The following PARD3 variants were observed in gnomAD, a reference collection of about 807,000 sequenced individuals.
PARD3 encodes par-3 family cell polarity regulator.
Under a neutral mutation model 155.4 loss-of-function variants are expected in PARD3, and 75 were observed. The observed-to-expected ratio is 0.48, with a 90% CI of 0.40 to 0.58. The LOEUF (loss-of-function observed/expected upper bound fraction) is 0.58. Among genes scored for constraint, PARD3 ranks in the 20% least tolerant of loss-of-function variants. PARD3 has a pLI of 0.00. For missense variants in PARD3, 1,642 were observed against 1,721.7 expected (o/e 0.95, Z 0.82); for synonymous variants, 576 against 610.5 (o/e 0.94, Z 0.83).
At chr10:34,628,816 G>A (rs554299430) in intron 2 of PARD3, among the ~76,000 whole-genome samples, 6 of 152,302 alleles carry the variant, frequency 3.9e-5, no homozygotes, top group African/African-American at 1.4e-4. Flanking sequence ...AATGAAAAAA[G>A]AAAGTGGAGA....
At chr10:34,345,069 A>G in intron 15 of PARD3, 1 of 983,362 alleles carries the variant, frequency 1.0e-6, no homozygotes, top group Non-Finnish European at 1.2e-6. Context: ...GATGTAGATA[A>G]TTATAAATTG....
intron 1 of PARD3, among the ~76,000 whole-genome samples, chr10:34,810,170 C>T (rs551859158): frequency 6.6e-6 from 1 of 152,276 alleles, no homozygotes; most frequent in South Asian, 2.1e-4. Flanking sequence ...TTACTGAGCA[C>T]CCACATGACG....
chr10:34,136,548 G>A (rs192683741), intron 22 of PARD3, among the ~76,000 whole-genome samples: 4 of 152,072 alleles, frequency 2.6e-5, no homozygotes, highest in Non-Finnish European at 5.9e-5. Context: ...CCCATAGCAG[G>A]GGGGAGAAAA....
At chr10:34,212,212 C>G (rs1335048459) in intron 22 of PARD3, among the ~76,000 whole-genome samples, 1 of 152,116 alleles carries the variant, frequency 6.6e-6, no homozygotes, top group Admixed American at 6.5e-5. Context: ...ACTCCTCCCC[C>G]ATCCCCGTGA....
chr10:34,259,047 G>A (rs577489369), intron 22 of PARD3, among the ~76,000 whole-genome samples: 1 of 152,084 alleles, frequency 6.6e-6, no homozygotes, highest in South Asian at 2.1e-4. Context: ...CAGCTTGGGT[G>A]ACAGAGCAAG....
chr10:34,119,076 A>G (rs1346716284), intron 24 of PARD3, among the ~76,000 whole-genome samples: 1 of 152,100 alleles, frequency 6.6e-6, no homozygotes, highest in Non-Finnish European at 1.5e-5. Context: ...GTTCCCAGCT[A>G]ACAAGCTCAA....
chr10:34,714,775 A>T lies in PARD3; in HGVS notation c.121-18356T>A, dbSNP rs796841719. Among the ~76,000 whole-genome samples the T allele has an allele frequency of 1.1e-3, 156 of 144,404 alleles. 1 individual carries two copies. Among genetic ancestry groups the T allele is most frequent in the Admixed American group, 1.5e-3 (21 of 14,448 alleles). The allele number at this position is 144,404 out of a possible 152,430, so 94.7% of individuals were successfully genotyped here. On this transcript the variant is annotated intron_variant, in intron 1 of 24. Coordinates refer to ENST00000374788, the MANE Select transcript of PARD3 (RefSeq NM_001184785.2). ...TTGTAAGCAAAGAACACACATCAAA[A>T]TTTTTTTTTTTTTTTTGGAGATGGA...
chr10:34,227,856 T>TATATATGTATATATATATATATATATA, intron 22 of PARD3, among the ~76,000 whole-genome samples: 1 of 82,242 alleles, frequency 1.2e-5, no homozygotes, highest in African/African-American at 5.9e-5. Flanking sequence ...GAATTATTTT[T>TATATATGTATATATATATATATATATA]TATATATATA....
intron 21 of PARD3, among the ~76,000 whole-genome samples, chr10:34,281,100 G>A (rs1445130283): frequency 6.6e-6 from 1 of 151,116 alleles, no homozygotes; most frequent in Non-Finnish European, 1.5e-5. Context: ...AATCTATCAC[G>A]GGGCTTTGTA....
intron 12 of PARD3, among the ~76,000 whole-genome samples, chr10:34,363,256 A>C (rs1267018922): frequency 6.6e-6 from 1 of 152,236 alleles, no homozygotes; most frequent in Non-Finnish European, 1.5e-5. Flanking sequence ...ATTTTAATCA[A>C]GTTGCAATAT....
intron 1 of PARD3, among the ~76,000 whole-genome samples, chr10:34,780,825 C>G (rs866106011): frequency 1.3e-5 from 2 of 152,126 alleles, no homozygotes; most frequent in Admixed American, 6.6e-5. Flanking sequence ...ATAATCAGTG[C>G]GGAGGCAACA....
intron 2 of PARD3, among the ~76,000 whole-genome samples, chr10:34,569,717 C>A (rs771145412): frequency 6.6e-6 from 1 of 151,908 alleles, no homozygotes; most frequent in Non-Finnish European, 1.5e-5. Context: ...GTGCCCGGCA[C>A]CTACTAGTGA....
At chr10:34,243,144 A>C (rs1007976632) in intron 22 of PARD3, among the ~76,000 whole-genome samples, 1 of 152,236 alleles carries the variant, frequency 6.6e-6, no homozygotes, top group Non-Finnish European at 1.5e-5. Context: ...GAATCTAAAA[A>C]TAATCTATTT....
intron 5 of PARD3, among the ~76,000 whole-genome samples, chr10:34,410,770 C>T (rs904287697): frequency 2.6e-5 from 4 of 152,266 alleles, no homozygotes; most frequent in Admixed American, 6.5e-5. Context: ...TTCAAAGATA[C>T]CTCTACAGAG....
intron 2 of PARD3, among the ~76,000 whole-genome samples, chr10:34,527,440 CTACTT>C (rs2082558836): frequency 2.0e-5 from 3 of 152,138 alleles, no homozygotes; most frequent in African/African-American, 7.2e-5. Context: ...GGCCGTTTAA[CTACTT>C]TAAAGGAAGA....
intron 1 of PARD3, among the ~76,000 whole-genome samples, chr10:34,776,900 A>G (rs1303205385): frequency 6.7e-6 from 1 of 149,948 alleles, no homozygotes; most frequent in Non-Finnish European, 1.5e-5. Context: ...GCAATGGCAC[A>G]ATCTCAGCTC....
chr10:34,288,454 C>T (rs940914108), intron 20 of PARD3, among the ~76,000 whole-genome samples: 5 of 152,002 alleles, frequency 3.3e-5, no homozygotes. Context: ...ACTAGCCATT[C>T]TAAAATGTAA....
chr10:34,432,337 T>TACATACACACACACAC (rs1207917998), intron 5 of PARD3, among the ~76,000 whole-genome samples: 2 of 143,456 alleles, frequency 1.4e-5, no homozygotes, highest in African/African-American at 5.2e-5. Flanking sequence ...CACGTGCACA[T>TACATACACACACACAC]ACACACACAC....
chr10:34,214,180 G>A lies in PARD3; in HGVS notation c.3419+55477C>T, dbSNP rs555480797. On this transcript the variant is annotated intron_variant, in intron 22 of 24. Transcript: ENST00000374788. ...GCTCCCAAGCACTGGGATTACAGGT[G>A]TGAGCCATCGTGCTGGCCTTATATT... Among the ~76,000 whole-genome samples, 13 of 152,316 alleles carry A rather than the reference G, an allele frequency of 8.5e-5. No homozygotes were observed. The South Asian group carries it at 2.7e-3, about 32-fold the overall frequency.
Sources: gnomAD v4.1 joint callset for allele counts (sites outside exome capture counted in the v4.1 genomes callset) on GRCh38, gnomAD v4.1.1 for gene constraint, MANE v1.5 for transcripts, NCBI Gene and HGNC (gene_info 2026-07-23, HGNC 2026-07-21) for gene names.